Variants in DNAH7 observed in about 807,000 individuals in gnomAD.
DNAH7 encodes the protein axonemal beta dynein heavy chain 7.
DNAH7 carries 397 observed loss-of-function variants against 444.6 expected under a neutral mutation model. That is an observed-to-expected ratio of 0.89 (90% CI 0.82 to 0.97). The LOEUF (loss-of-function observed/expected upper bound fraction) is 0.97, where lower values mean the gene tolerates loss of function less well. Among genes scored for constraint, DNAH7 ranks in the 50% least tolerant of loss-of-function variants. The pLI, the probability that DNAH7 is intolerant of heterozygous loss-of-function variation, is 0.00. For missense variants in DNAH7, 4,902 were observed against 4,800.8 expected (o/e 1.02, Z -0.62); for synonymous variants, 1,636 against 1,624.4 (o/e 1.01, Z -0.17).
intron 5 of DNAH7, among the ~76,000 whole-genome samples, chr2:196,030,381 A>T (rs1334497938): frequency 2.6e-5 from 4 of 152,210 alleles, no homozygotes; most frequent in African/African-American, 9.6e-5. Flanking sequence ...TTCAAGATGC[A>T]GTTTAGGTGG....
At position 195,923,708 on chromosome 2, in the gene DNAH7, C is replaced by T. The variant is rs908879676; in HGVS notation, c.3712G>A (p.Ala1238Thr). The T allele has an allele frequency of 1.3e-5, 21 of 1,613,982 alleles. No individual in the cohort carries two copies. The highest frequency in any genetic ancestry group is 1.5e-5 in the Non-Finnish European group (18 of 1,180,010). ...LSMQNRVTLG[A>T]LVVLDVHARD... ...GCATGGACATCCAGTACCACAAGTG[C>T]TCCCAGAGTTACGCGATTCTGCATG... Residue 1238 changes from alanine to threonine, a missense_variant, in exon 23 of 65, where the codon GCA becomes ACA. Transcript: ENST00000312428.
Position 195,771,547 on chromosome 2 carries a change from C to A in DNAH7, c.11433+113G>T, listed in dbSNP as rs1574406131. The stretch of plus-strand genomic sequence containing the variant: ...AGAATTATTTTCTAATCTTATTTAT[C>A]CCCAGAACCCAAAACAGTGCTTATA... On this transcript the variant is annotated intron_variant, in intron 61 of 64. Transcript: ENST00000312428. The A allele has an allele frequency of 9.1e-6, 7 of 769,076 alleles. No individual in the cohort carries two copies. The East Asian group carries it at 1.6e-4, about 17-fold the overall frequency. The allele number at this position is 769,076 out of a possible 1,614,324, so 47.6% of individuals were successfully genotyped here.
chr2:196,024,135 C>T (rs1695539117), intron 8 of DNAH7, among the ~76,000 whole-genome samples: 4 of 152,122 alleles, frequency 2.6e-5, no homozygotes, highest in African/African-American at 7.2e-5. Flanking sequence ...GACACAGAGA[C>T]ACAAAGTGAG....
rs184838251 is a variant in DNAH7 at position 195,923,354 on chromosome 2, T to C, written c.3825+241A>G. 3.3e-5 allele frequency among the ~76,000 whole-genome samples: 5 copies of C among 152,310 alleles called. No homozygotes were observed. The East Asian group carries it at 5.8e-4, about 18-fold the overall frequency. Reference sequence around the variant, plus strand: ...CTCATCATTTTCGTGTATCTATATATGGATATATGTTTATATATAACTATA... The same window carrying C: ...CTCATCATTTTCGTGTATCTATATACGGATATATGTTTATATATAACTATA... On this transcript the variant is annotated intron_variant, in intron 23 of 64. Transcript: ENST00000312428.
rs967455781 is a variant in DNAH7, at chr2:195,908,594, G to A, written c.4104+1433C>T. On this transcript the variant is annotated intron_variant, in intron 25 of 64. Coordinates refer to ENST00000312428, the MANE Select transcript of DNAH7 (RefSeq NM_018897.3). Reference sequence around the variant, plus strand: ...GACCTCTAGTTCCATCCATGTTGCCGCAAAAGACATGATTTCATTCTTTTT... The same window carrying A: ...GACCTCTAGTTCCATCCATGTTGCCACAAAAGACATGATTTCATTCTTTTT... Among the ~76,000 whole-genome samples the A allele has an allele frequency of 5.3e-5, 8 of 151,946 alleles. No individual in the cohort carries two copies. The South Asian group carries it at 6.2e-4, about 12-fold the overall frequency.
At chr2:195,910,516 A>C (rs1181429085) in intron 24 of DNAH7, among the ~76,000 whole-genome samples, 2 of 152,216 alleles carry the variant, frequency 1.3e-5, no homozygotes, top group African/African-American at 4.8e-5. Flanking sequence ...GAAATGTTAC[A>C]GATAAGAAAA....
At chr2:196,061,452 C>T (rs895106310) in intron 1 of DNAH7, among the ~76,000 whole-genome samples, 7 of 152,144 alleles carry the variant, frequency 4.6e-5, no homozygotes, top group Non-Finnish European at 8.8e-5. Flanking sequence ...TCAATAAACT[C>T]CCACAAACCC....
chr2:195,889,356 C>A (rs1351986441), intron 31 of DNAH7, among the ~76,000 whole-genome samples: 1 of 150,638 alleles, frequency 6.6e-6, no homozygotes, highest in African/African-American at 2.4e-5. Context: ...CTCTGTTGTC[C>A]AGGCTGGAGG....
rs373079135 is a variant in DNAH7 at position 195,934,735 on chromosome 2, C to T, written c.3327G>A (p.Thr1109=). The change falls in exon 21 of 65, where the codon ACG becomes ACA. Residue 1109 remains threonine (T), a synonymous_variant. Transcript: ENST00000312428. Reference sequence around the variant, plus strand: ...TCATGTGAGTAATGTCTAAAGTTTCCGTAAATTCTACCTTTGCGATTCCTT... The same window carrying T: ...TCATGTGAGTAATGTCTAAAGTTTCTGTAAATTCTACCTTTGCGATTCCTT... ...CFEGIAKVEF[T]ETLDITHMKS... 7.0e-5 allele frequency: 113 copies of T among 1,614,080 alleles called. No homozygotes were observed. Among genetic ancestry groups the T allele is most frequent in the Middle Eastern group, 1.7e-4 (1 of 6,060 alleles).
At chr2:195,779,076 C>T (rs972084303) in intron 58 of DNAH7, among the ~76,000 whole-genome samples, 62 of 152,152 alleles carry the variant, frequency 4.1e-4, no homozygotes, top group African/African-American at 1.4e-3. Flanking sequence ...ATCTCCTGAC[C>T]TCATGATCCG....
At chr2:196,030,937 G>A (rs1232081148) in intron 5 of DNAH7, among the ~76,000 whole-genome samples, 1 of 152,178 alleles carries the variant, frequency 6.6e-6, no homozygotes, top group African/African-American at 2.4e-5. Flanking sequence ...GCTGGGGTCT[G>A]AAGGACAGTG....
At chr2:195,957,717 G>A (rs1032071662) in intron 18 of DNAH7, among the ~76,000 whole-genome samples, 2 of 151,288 alleles carry the variant, frequency 1.3e-5, no homozygotes, top group Non-Finnish European at 2.9e-5. Flanking sequence ...TGCATTTAAA[G>A]ATAAATCACT....
At chr2:196,065,095 C>A (rs1055111242) in intron 1 of DNAH7, among the ~76,000 whole-genome samples, 8 of 152,070 alleles carry the variant, frequency 5.3e-5, no homozygotes, top group African/African-American at 1.9e-4. Context: ...ATCTGTAGGG[C>A]AATTCCCTCC....
intron 1 of DNAH7, among the ~76,000 whole-genome samples, chr2:196,065,181 C>T (rs902034647): frequency 1.3e-5 from 2 of 152,166 alleles, no homozygotes; most frequent in Non-Finnish European, 2.9e-5. Flanking sequence ...ATCTACACTG[C>T]ATGAAATTTT....
intron 48 of DNAH7, among the ~76,000 whole-genome samples, chr2:195,833,314 G>A (rs944311999): frequency 5.3e-5 from 8 of 152,178 alleles, no homozygotes; most frequent in African/African-American, 1.7e-4. Flanking sequence ...GGTAGACTTA[G>A]ACTGTCTTCA....
intron 41 of DNAH7, among the ~76,000 whole-genome samples, chr2:195,863,222 G>GT (rs1246417444): frequency 9.8e-5 from 15 of 152,296 alleles, no homozygotes; most frequent in Admixed American, 4.6e-4. Context: ...TTCAATAAAT[G>GT]TTTTGCATGA....
chr2:196,047,485 G>A lies in DNAH7; in HGVS notation c.265C>T (p.Arg89Cys), dbSNP rs1421924098. The change falls in exon 5 of 65, where the codon CGT becomes TGT. Residue 89 changes from arginine (R) to cysteine (C), a missense_variant. Coordinates refer to ENST00000312428, the MANE Select transcript of DNAH7 (RefSeq NM_018897.3). ...NEQSHAEYMERFGKKGKLPHQ... is the reference protein window; with the variant it reads ...NEQSHAEYMECFGKKGKLPHQ... ...GGTAATTTGCCCTTTTTTCCAAAAC[G>A]TTCCATGTATTCAGCTTAAATTAAA... 1.1e-5 allele frequency: 18 copies of A among 1,588,650 alleles called. No homozygotes were observed. The highest frequency in any genetic ancestry group is 5.4e-5 in the African/African-American group (4 of 74,084).
chr2:196,019,248 C>T lies in DNAH7; in HGVS notation c.791G>A (p.Ser264Asn), dbSNP rs746024241. 11 of 1,506,012 alleles carry T rather than the reference C, an allele frequency of 7.3e-6. No individual in the cohort carries two copies. The Admixed American group carries it at 1.4e-4, about 19-fold the overall frequency. 93.3% of individuals were successfully genotyped at this position (1,506,012 alleles called of 1,614,324 possible). Reference sequence around the variant, plus strand: ...ATTCAAGTGATCCCTAATATAACTGCTTGCAGCTAAAAAAGATTTCCTCCA... The same window carrying T: ...ATTCAAGTGATCCCTAATATAACTGTTTGCAGCTAAAAAAGATTTCCTCCA... ...KPWRKSFLAA[S>N]SYIRDHLNAM... Residue 264 changes from serine (S) to asparagine (N), a missense_variant, in exon 9 of 65, where the codon AGC becomes AAC. Physicochemically the swap from Ser to Asn is conservative, Grantham distance 46 (BLOSUM62 1). Transcript: ENST00000312428.
intron 24 of DNAH7, among the ~76,000 whole-genome samples, chr2:195,916,895 C>A (rs1050399732): frequency 1.3e-5 from 2 of 151,192 alleles, no homozygotes; most frequent in African/African-American, 4.9e-5. Flanking sequence ...GTCAGGAGAT[C>A]GAGACCATCC....
Sources: allele counts gnomAD v4.1 joint callset (sites outside exome capture counted in the v4.1 genomes callset), GRCh38; gene constraint gnomAD v4.1.1; transcripts MANE v1.5; gene names NCBI Gene and HGNC (gene_info 2026-07-23, HGNC 2026-07-21).